KCNK2: variants seen among roughly 807,000 people sequenced by gnomAD.
The protein encoded by KCNK2 is potassium two pore domain channel subfamily K member 2.
In KCNK2, 21 loss-of-function variants were observed where a neutral mutation model predicts 40.5. The observed-to-expected ratio is 0.52, with a 90% confidence interval of 0.37 to 0.75. The LOEUF (loss-of-function observed/expected upper bound fraction) is 0.75. Ranked by LOEUF, KCNK2 falls within the 30% of genes least tolerant of loss-of-function variation. The pLI is 0.00. For missense variants in KCNK2, 399 were observed against 531.6 expected, an observed-to-expected ratio of 0.75 and a Z score of 2.45; for synonymous variants, 191 against 202.2, an observed-to-expected ratio of 0.94 and a Z score of 0.47.
intron 6 of KCNK2, among the ~76,000 whole-genome samples, chr1:215,224,645 G>A (rs1005419911): frequency 5.9e-5 from 9 of 152,084 alleles, no homozygotes; most frequent in Non-Finnish European, 8.8e-5. Flanking sequence ...ATGACCTGGA[G>A]TAGAGCTAGA....
At chr1:215,175,732 T>C (rs1040830181) in intron 5 of KCNK2, among the ~76,000 whole-genome samples, 8 of 152,132 alleles carry the variant, frequency 5.3e-5, no homozygotes, top group Non-Finnish European at 8.8e-5. Context: ...CTCCCACTTA[T>C]AAGTGAGAAC....
chr1:215,081,173 G>A (rs1214714871), upstream of KCNK2, among the ~76,000 whole-genome samples: 2 of 146,744 alleles, frequency 1.4e-5, no homozygotes, highest in Non-Finnish European at 1.5e-5. Context: ...AAATGTGTGT[G>A]TGTGTGTGTG....
chr1:215,025,738 T>C (rs982626685), intron 1 of KCNK2, among the ~76,000 whole-genome samples: 15 of 152,048 alleles, frequency 9.9e-5, no homozygotes, highest in Non-Finnish European at 1.9e-4. Context: ...CTGAATAATA[T>C]TCTGTGCTGT....
At chr1:215,021,221 A>G (rs756075280) in intron 1 of KCNK2, among the ~76,000 whole-genome samples, 3 of 152,210 alleles carry the variant, frequency 2.0e-5, no homozygotes, top group South Asian at 4.1e-4. Flanking sequence ...TTATTTTCCT[A>G]TAAGTGAACT....
intron 5 of KCNK2, among the ~76,000 whole-genome samples, chr1:215,192,837 T>C (rs1173653911): frequency 1.3e-5 from 2 of 152,200 alleles, no homozygotes; most frequent in African/African-American, 4.8e-5. Flanking sequence ...TTATTCACTT[T>C]GTAAAATGTG....
intron 1 of KCNK2, among the ~76,000 whole-genome samples, chr1:215,046,581 G>A (rs1657779797): frequency 2.6e-5 from 4 of 152,004 alleles, no homozygotes; most frequent in Middle Eastern, 3.2e-3. Context: ...GAATAAACAG[G>A]TACAGGTTTT....
At chr1:215,011,605 T>A (rs905733383) in intron 1 of KCNK2, among the ~76,000 whole-genome samples, 7 of 149,286 alleles carry the variant, frequency 4.7e-5, no homozygotes, top group African/African-American at 7.4e-5. Context: ...AGTCTGATTT[T>A]TTTTTATTTT....
chr1:215,209,228 TAA>T lies in KCNK2; in HGVS notation c.963+14139_963+14140del, dbSNP rs555192914. On this transcript the variant is annotated intron_variant, in intron 6 of 6. Coordinates refer to ENST00000444842, the MANE Select transcript of KCNK2 (RefSeq NM_001017425.3). Reference sequence around the variant, plus strand: ...TAAAATATACACATATTTTTATATATAAAATATATATAAATATACACATATCT... The same window carrying T: ...TAAAATATACACATATTTTTATATATAATATATATAAATATACACATATCT... Among the ~76,000 whole-genome samples, 743 of 130,834 alleles carry T rather than the reference TAA, an allele frequency of 5.7e-3. 12 individuals are homozygous for T. Among genetic ancestry groups the T allele is most frequent in the African/African-American group, 0.021 (714 of 34,406 alleles). The allele number at this position is 130,834 out of a possible 152,430, so 85.8% of individuals were successfully genotyped here.
chr1:215,123,024 G>A (rs905908973), intron 2 of KCNK2, among the ~76,000 whole-genome samples: 1 of 151,862 alleles, frequency 6.6e-6, no homozygotes, highest in Admixed American at 6.6e-5. Context: ...GATTACAGGC[G>A]TGAGCCACCA....
At chr1:215,034,333 G>A (rs897449501) in intron 1 of KCNK2, among the ~76,000 whole-genome samples, 2 of 139,882 alleles carry the variant, frequency 1.4e-5, no homozygotes, top group African/African-American at 2.7e-5. Flanking sequence ...CCAGCTGATG[G>A]GCACTTATGT....
At chr1:215,081,514 G>A (rs995238313), upstream of KCNK2, among the ~76,000 whole-genome samples, 3 of 151,988 alleles carry the variant, frequency 2.0e-5, no homozygotes, top group Non-Finnish European at 4.4e-5. Context: ...GGTGCTGAAT[G>A]TATTCTGGAA....
chr1:215,129,363 C>T (rs900012925), intron 3 of KCNK2, among the ~76,000 whole-genome samples: 2 of 151,990 alleles, frequency 1.3e-5, no homozygotes, highest in Non-Finnish European at 2.9e-5. Context: ...TTCAGCAAGA[C>T]TAGAAATATT....
At chr1:215,234,748 A>C in intron 6 of KCNK2, 80 bp from the exon 7 acceptor site, 1 of 1,335,848 alleles carries the variant, frequency 7.5e-7, no homozygotes, top group Non-Finnish European at 1.0e-6. Context: ...ATCCCAAAAT[A>C]AAATGAACTG....
intron 3 of KCNK2, among the ~76,000 whole-genome samples, chr1:215,140,627 A>G (rs1462558795): frequency 6.6e-6 from 1 of 152,166 alleles, no homozygotes; most frequent in Non-Finnish European, 1.5e-5. Context: ...TAAATGGTAT[A>G]AAAGATTTTT....
intron 6 of KCNK2, among the ~76,000 whole-genome samples, chr1:215,221,580 A>T (rs572070319): frequency 7.2e-5 from 11 of 152,294 alleles, no homozygotes; most frequent in African/African-American, 2.6e-4. Flanking sequence ...TATTAAGTGG[A>T]AATGAACCAT....
intron 1 of KCNK2, among the ~76,000 whole-genome samples, chr1:215,007,227 A>G (rs140557700): frequency 0.023 from 2,174 of 95,256 alleles, 59 homozygotes; most frequent in South Asian, 0.074. Context: ...ATATATATAT[A>G]GGCTCATTTC....
chr1:215,082,539 G>A (rs976952605), upstream of KCNK2, among the ~76,000 whole-genome samples: 2 of 152,272 alleles, frequency 1.3e-5, no homozygotes, highest in Admixed American at 6.5e-5. Flanking sequence ...GTTAGTGGAA[G>A]GGGCTGAGAG....
At chr1:215,139,742 G>T (rs1662088726) in intron 3 of KCNK2, among the ~76,000 whole-genome samples, 1 of 151,878 alleles carries the variant, frequency 6.6e-6, no homozygotes, top group Non-Finnish European at 1.5e-5. Flanking sequence ...GTATATGTAT[G>T]GTATGACATA....
At chr1:215,178,611 A>G (rs1471869076) in intron 5 of KCNK2, among the ~76,000 whole-genome samples, 1 of 152,164 alleles carries the variant, frequency 6.6e-6, no homozygotes, top group East Asian at 1.9e-4. Context: ...ATCTATTGAG[A>G]TGATAGTATG....
Sources: gnomAD v4.1 joint callset for allele counts (sites outside exome capture counted in the v4.1 genomes callset) on GRCh38, gnomAD v4.1.1 for gene constraint, MANE v1.5 for transcripts, NCBI Gene and HGNC (gene_info 2026-07-23, HGNC 2026-07-21) for gene names.